SNX29: variants seen among roughly 807,000 people sequenced by gnomAD.
SNX29 encodes sorting nexin-29.
SNX29 carries 78 observed loss-of-function variants against 102.1 expected under a neutral mutation model. The observed-to-expected ratio is 0.76, with a 90% CI of 0.64 to 0.92. The LOEUF is 0.92. Among genes scored for constraint, SNX29 ranks in the 40% least tolerant of loss-of-function variants. SNX29 has a pLI of 0.00. For synonymous variants in SNX29, 580 were observed against 414.5 expected, an observed-to-expected ratio of 1.40 and a Z score of -4.85; for missense variants, 1,280 against 1,061.7, an observed-to-expected ratio of 1.21 and a Z score of -2.86.
intron 13 of SNX29, among the ~76,000 whole-genome samples, chr16:12,153,884 A>C (rs2055414664): frequency 6.6e-6 from 1 of 152,182 alleles, no homozygotes; most frequent in South Asian, 2.1e-4. Context: ...TTTAAATTGA[A>C]GAAAAACAGA....
rs1036513887 is a variant in SNX29 at position 12,572,081 on chromosome 16, G to C, written c.*3452G>C. On this transcript the variant is annotated 3_prime_UTR_variant, in exon 21 of 21. Transcript: ENST00000566228. ...AACCATCTTGCAAGATCTAGGAAGA[G>C]GAAGGGGAGGGATGTGGACTGGGTC... 1 of 1,063,630 alleles carries C rather than the reference G, an allele frequency of 9.4e-7. No individual in the cohort carries two copies. The highest frequency in any genetic ancestry group is 1.1e-6 in the Non-Finnish European group (1 of 878,074). The allele number at this position is 1,063,630 out of a possible 1,614,324, so 65.9% of individuals were successfully genotyped here.
intron 3 of SNX29, among the ~76,000 whole-genome samples, chr16:12,015,896 G>T (rs867277991): frequency 6.6e-6 from 1 of 150,690 alleles, no homozygotes; most frequent in Non-Finnish European, 1.5e-5. Flanking sequence ...ACAGAATGTC[G>T]CTCTGTCACC....
chr16:12,000,988 A>T (rs1360755214), intron 2 of SNX29, among the ~76,000 whole-genome samples: 2 of 152,144 alleles, frequency 1.3e-5, no homozygotes, highest in African/African-American at 4.8e-5. Flanking sequence ...TAACATCTGG[A>T]GCCCATGTTA....
At chr16:12,551,590 A>C (rs1001995078) in intron 20 of SNX29, among the ~76,000 whole-genome samples, 5 of 152,186 alleles carry the variant, frequency 3.3e-5, no homozygotes, top group African/African-American at 1.2e-4. Context: ...GGCTGGAACA[A>C]ATTCTGGTGT....
chr16:12,247,147 G>A (rs1004143599), intron 14 of SNX29, among the ~76,000 whole-genome samples: 1 of 152,126 alleles, frequency 6.6e-6, no homozygotes, highest in Non-Finnish European at 1.5e-5. Flanking sequence ...TTCCCTATAC[G>A]ACGGGGAGAG....
chr16:12,375,011 G>A (rs1010593196), intron 16 of SNX29: 3 of 152,162 alleles, frequency 2.0e-5, no homozygotes, highest in Non-Finnish European at 4.4e-5. Flanking sequence ...GAGCCCAGGA[G>A]CTCCAGACTA....
intron 19 of SNX29, among the ~76,000 whole-genome samples, chr16:12,505,894 A>G (rs968498275): frequency 1.3e-5 from 2 of 150,612 alleles, no homozygotes; most frequent in Non-Finnish European, 3.0e-5. Flanking sequence ...AATTTTTTCT[A>G]TTTAGGCCTT....
intron 13 of SNX29, among the ~76,000 whole-genome samples, chr16:12,160,601 T>G (rs1209218485): frequency 1.3e-5 from 2 of 152,202 alleles, no homozygotes; most frequent in African/African-American, 4.8e-5. Context: ...ATATAGGTTT[T>G]CTTTTTGGGG....
intron 1 of SNX29, among the ~76,000 whole-genome samples, chr16:11,983,442 G>T (rs1465192683): frequency 6.6e-6 from 1 of 152,076 alleles, no homozygotes; most frequent in Non-Finnish European, 1.5e-5. Context: ...GGCCCTCTCT[G>T]ACAGTAGCTT....
intron 18 of SNX29, among the ~76,000 whole-genome samples, chr16:12,431,092 T>A (rs1335849522): frequency 3.9e-5 from 6 of 152,186 alleles, no homozygotes; most frequent in African/African-American, 1.4e-4. Flanking sequence ...TCTCAGGTGA[T>A]CCACCCACCT....
intron 19 of SNX29, among the ~76,000 whole-genome samples, chr16:12,505,460 T>C (rs1289736817): frequency 6.6e-6 from 1 of 152,232 alleles, no homozygotes; most frequent in Non-Finnish European, 1.5e-5. Context: ...ATTTCAGTTC[T>C]TTTTCATTGA....
At chr16:12,244,985 G>A (rs1454868861) in intron 14 of SNX29, among the ~76,000 whole-genome samples, 1 of 152,190 alleles carries the variant, frequency 6.6e-6, no homozygotes, top group Non-Finnish European at 1.5e-5. Flanking sequence ...TGAAGCGTCA[G>A]GTAGGAGCCA....
chr16:12,398,320 T>A, intron 16 of SNX29, 126 bp from the exon 17 acceptor site: 1 of 1,051,750 alleles, frequency 9.5e-7, no homozygotes, highest in Non-Finnish European at 1.5e-6. Context: ...CAGTGACTGC[T>A]TTTTCACTTC....
chr16:12,441,612 A>T (rs1178251776), intron 18 of SNX29, among the ~76,000 whole-genome samples: 1 of 152,132 alleles, frequency 6.6e-6, no homozygotes, highest in East Asian at 1.9e-4. Flanking sequence ...TGAAGCACAA[A>T]AGTTTTTAAT....
At chr16:12,548,932 A>G (rs563727686) in intron 20 of SNX29, among the ~76,000 whole-genome samples, 4 of 152,306 alleles carry the variant, frequency 2.6e-5, no homozygotes, top group African/African-American at 7.2e-5. Context: ...AGTACCTGCT[A>G]TGGCCTGGCA....
At chr16:12,145,734 T>TA (rs1201106809) in intron 13 of SNX29, among the ~76,000 whole-genome samples, 3 of 152,252 alleles carry the variant, frequency 2.0e-5, no homozygotes, top group Non-Finnish European at 4.4e-5. Flanking sequence ...AATAATACAG[T>TA]AAACAACAGA....
Position 12,083,456 on chromosome 16 carries a change from C to G in SNX29, c.1402+4541C>G, listed in dbSNP as rs567951168. On this transcript the variant is annotated intron_variant, in intron 11 of 20. Coordinates refer to ENST00000566228, the MANE Select transcript of SNX29 (RefSeq NM_032167.5). Reference sequence around the variant, plus strand: ...TCTCTCTGTCCTTATGTGGCCTTTCCTCTGCAGGCACATCCTGGTGTCCCT... The same window carrying G: ...TCTCTCTGTCCTTATGTGGCCTTTCGTCTGCAGGCACATCCTGGTGTCCCT... Among the ~76,000 whole-genome samples the G allele has an allele frequency of 2.7e-4, 41 of 152,128 alleles. No individual in the cohort carries two copies. The South Asian group carries it at 8.5e-3, about 32-fold the overall frequency.
intron 18 of SNX29, among the ~76,000 whole-genome samples, chr16:12,452,718 G>A (rs890120805): frequency 2.6e-5 from 4 of 152,136 alleles, no homozygotes; most frequent in Non-Finnish European, 5.9e-5. Context: ...CCCTCCAAAT[G>A]TGAGGTCACA....
intron 2 of SNX29, among the ~76,000 whole-genome samples, chr16:12,002,511 G>A (rs960374985): frequency 3.3e-5 from 5 of 151,104 alleles, no homozygotes; most frequent in South Asian, 2.1e-4. Context: ...TTGTCATTCC[G>A]CACAACCAGA....
Sources: allele counts gnomAD v4.1 joint callset (sites outside exome capture counted in the v4.1 genomes callset), GRCh38; gene constraint gnomAD v4.1.1; transcripts MANE v1.5; gene names NCBI Gene and HGNC (gene_info 2026-07-23, HGNC 2026-07-21).